Variants in ARK2N observed in about 807,000 individuals in gnomAD.
ARK2N encodes the protein protein ARK2N.
At chr18:46,251,448 G>A in the ARK2N span, among the ~76,000 whole-genome samples, 2 of 152,122 alleles carry the variant, frequency 1.3e-5, no homozygotes, top group Non-Finnish European at 2.9e-5. Context: ...CCCACTGCTA[G>A]TGCCACATAA....
At chr18:46,241,725 C>T in the ARK2N span, among the ~76,000 whole-genome samples, 5 of 150,950 alleles carry the variant, frequency 3.3e-5, no homozygotes, top group Non-Finnish European at 5.9e-5. Flanking sequence ...ACTGTATCCC[C>T]CCAAAAAAGA....
At chr18:46,190,303 T>C in the ARK2N span, among the ~76,000 whole-genome samples, 1 of 152,032 alleles carries the variant, frequency 6.6e-6, no homozygotes, top group Non-Finnish European at 1.5e-5. Flanking sequence ...GTGGATCACA[T>C]GAAGTCGGGG....
the ARK2N span, chr18:46,232,470 T>C: frequency 7.9e-5 from 12 of 152,228 alleles, no homozygotes; most frequent in Non-Finnish European, 1.2e-4. Context: ...AAATTTTTTT[T>C]CTCAAAATCC....
the ARK2N span, among the ~76,000 whole-genome samples, chr18:46,262,072 A>G: frequency 0.021 from 3,131 of 152,282 alleles, 44 homozygotes; most frequent in Non-Finnish European, 0.032. Context: ...AGGGCTGGTC[A>G]GGAAGTTTAG....
the ARK2N span, among the ~76,000 whole-genome samples, chr18:46,178,089 C>T: frequency 6.6e-6 from 1 of 152,080 alleles, no homozygotes; most frequent in Non-Finnish European, 1.5e-5. Context: ...GGTGAGCATG[C>T]CAGGCTAGGG....
the ARK2N span, among the ~76,000 whole-genome samples, chr18:46,182,797 C>T: frequency 0.012 from 1,726 of 149,480 alleles, 60 homozygotes; most frequent in East Asian, 0.12. Context: ...GTAATATCTG[C>T]AATATGAAGT....
chr18:46,248,874 C>T, the ARK2N span, among the ~76,000 whole-genome samples: 13 of 152,148 alleles, frequency 8.5e-5, no homozygotes, highest in Non-Finnish European at 1.5e-4. Flanking sequence ...TGAGCCACTG[C>T]GCCTGGCCTC....
the ARK2N span, among the ~76,000 whole-genome samples, chr18:46,241,377 A>G: frequency 6.6e-6 from 1 of 152,204 alleles, no homozygotes; most frequent in Non-Finnish European, 1.5e-5. Flanking sequence ...TTGCCCAACA[A>G]GTGTCTTTTA....
At chr18:46,220,226 G>C in the ARK2N span, among the ~76,000 whole-genome samples, 1 of 152,158 alleles carries the variant, frequency 6.6e-6, no homozygotes, top group South Asian at 2.1e-4. Context: ...TTCTTTTGGA[G>C]AATGTCATTG....
the ARK2N span, among the ~76,000 whole-genome samples, chr18:46,213,075 C>T: frequency 7.1e-6 from 1 of 140,134 alleles, no homozygotes; most frequent in African/African-American, 2.6e-5. Context: ...GACCTCGGCT[C>T]ACTGCAAGCT....
At chr18:46,223,123 A>G in the ARK2N span, among the ~76,000 whole-genome samples, 1 of 152,206 alleles carries the variant, frequency 6.6e-6, no homozygotes, top group African/African-American at 2.4e-5. Context: ...GTAATGCGAG[A>G]ATCTAAAGCA....
chr18:46,225,551 T>G, the ARK2N span, among the ~76,000 whole-genome samples: 1 of 152,166 alleles, frequency 6.6e-6, no homozygotes, highest in South Asian at 2.1e-4. Context: ...CTCCGCCTCC[T>G]GGGTTCAAGC....
At chr18:46,253,897 A>C in the ARK2N span, 53 of 1,479,808 alleles carry the variant, frequency 3.6e-5, no homozygotes, top group Non-Finnish European at 4.7e-5. Context: ...AGTTAAAAGA[A>C]AATGGTAGAC....
At chr18:46,247,491 G>A in the ARK2N span, among the ~76,000 whole-genome samples, 1 of 152,196 alleles carries the variant, frequency 6.6e-6, no homozygotes, top group African/African-American at 2.4e-5. Flanking sequence ...TTGTTTAAAA[G>A]CATTGAGTGA....
At chr18:46,193,001 A>G in the ARK2N span, among the ~76,000 whole-genome samples, 1 of 151,752 alleles carries the variant, frequency 6.6e-6, no homozygotes, top group Non-Finnish European at 1.5e-5. Flanking sequence ...GTTTGAGACC[A>G]GTCTGGCCAA....
At chr18:46,216,743 C>G in the ARK2N span, 1 of 694,428 alleles carries the variant, frequency 1.4e-6, no homozygotes, top group South Asian at 2.1e-5. This position sits in a 1 kb window ranked among gnomAD's most constrained non-coding sequence, Gnocchi z 4.3. Flanking sequence ...CAAGACATGG[C>G]CAATTTATAA....
the ARK2N span, among the ~76,000 whole-genome samples, chr18:46,199,567 TC>T: frequency 1.3e-5 from 2 of 149,144 alleles, no homozygotes; most frequent in East Asian, 4.0e-4. Flanking sequence ...CCTCAAGTGA[TC>T]CACCCGCCTC....
chr18:46,176,457 C>CTTT, the ARK2N span, among the ~76,000 whole-genome samples: 879 of 133,422 alleles, frequency 6.6e-3, 8 homozygotes, highest in African/African-American at 0.023. Context: ...TGTGTGTGTG[C>CTTT]TTTTTTTTTT....
At chr18:46,222,719 T>G in the ARK2N span, among the ~76,000 whole-genome samples, 1 of 152,198 alleles carries the variant, frequency 6.6e-6, no homozygotes, top group African/African-American at 2.4e-5. Context: ...TAGATTTTGC[T>G]TCTAGAGCAG....
Sources: gnomAD v4.1 joint callset for allele counts (sites outside exome capture counted in the v4.1 genomes callset) on GRCh38, gnomAD v4.1.1 for gene constraint, Gnocchi (gnomAD v3.1) non-coding constraint, MANE v1.5 for transcripts, NCBI Gene and HGNC (gene_info 2026-07-23, HGNC 2026-07-21) for gene names.